Variants in ZNF831 observed in about 807,000 individuals in gnomAD.
The protein encoded by ZNF831 is chromosome 20 open reading frame 174.
Under a neutral mutation model 95.8 loss-of-function variants are expected in ZNF831, and 59 were observed. The observed-to-expected ratio is 0.62, with a 90% CI of 0.50 to 0.77. The LOEUF is 0.77. Among genes scored for constraint, ZNF831 ranks in the 30% least tolerant of loss-of-function variants. The pLI, the probability that ZNF831 is intolerant of heterozygous loss-of-function variation, is 0.00. For synonymous variants in ZNF831, 961 were observed against 925.5 expected (o/e 1.04, Z -0.70); for missense variants, 2,205 against 2,164.0 (o/e 1.02, Z -0.38).
intron 1 of ZNF831, among the ~76,000 whole-genome samples, chr20:59,129,572 G>A (rs753508794): frequency 3.3e-5 from 5 of 152,160 alleles, no homozygotes; most frequent in Non-Finnish European, 7.3e-5. Context: ...GCAGTGAGCC[G>A]AGATCACGCC....
chr20:59,246,025 T>C (rs1238529887), intron 4 of ZNF831, among the ~76,000 whole-genome samples: 1 of 152,204 alleles, frequency 6.6e-6, no homozygotes, highest in East Asian at 1.9e-4. Flanking sequence ...ATTGGCTTTG[T>C]TCACTTTGGT....
intron 4 of ZNF831, among the ~76,000 whole-genome samples, chr20:59,214,753 G>A (rs1053151426): frequency 2.0e-5 from 3 of 152,224 alleles, no homozygotes; most frequent in African/African-American, 4.8e-5. Flanking sequence ...AAGATTCTCT[G>A]TTGTGGTTAC....
intron 1 of ZNF831, among the ~76,000 whole-genome samples, chr20:59,171,330 T>A (rs1034669735): frequency 6.6e-6 from 1 of 152,262 alleles, no homozygotes; most frequent in African/African-American, 2.4e-5. Flanking sequence ...GCATCCCTTA[T>A]CATACAGCAT....
chr20:59,213,390 AC>A (rs981864867), intron 4 of ZNF831, among the ~76,000 whole-genome samples: 30 of 152,090 alleles, frequency 2.0e-4, no homozygotes, highest in African/African-American at 6.8e-4. Flanking sequence ...AATACTATTC[AC>A]TGTGAAATTG....
chr20:59,254,713 C>A lies in ZNF831; in HGVS notation c.5004C>A (p.Asp1668Glu), dbSNP rs368340628. Residue 1668 changes from aspartate to glutamate, a missense_variant, in exon 6 of 6, where the codon GAC becomes GAA. Coordinates refer to ENST00000371030, the MANE Select transcript of ZNF831 (RefSeq NM_178457.3). The surrounding 1 kb of genome is among the most constrained non-coding windows in gnomAD (Gnocchi z 4.5). ...TAGAGTTCAGTGACACCAGCAGCGACGATGAAGACCGATTAGTTATAGAAA... is the reference window on the plus strand; with the variant it reads ...TAGAGTTCAGTGACACCAGCAGCGAAGATGAAGACCGATTAGTTATAGAAA... Reference protein sequence around the residue: ...TRVEFSDTSSDDEDRLVIEI With the variant: ...TRVEFSDTSSEDEDRLVIEI 6.2e-7 allele frequency: 1 copy of A among 1,611,864 alleles called. No homozygotes were observed. Among genetic ancestry groups the A allele is most frequent in the South Asian group, 1.1e-5 (1 of 90,906 alleles).
intron 1 of ZNF831, among the ~76,000 whole-genome samples, chr20:59,126,019 C>T (rs1483860410): frequency 6.6e-6 from 1 of 152,092 alleles, no homozygotes; most frequent in Non-Finnish European, 1.5e-5. Flanking sequence ...GGAAATCAAT[C>T]CATCAACAAA....
At chr20:59,229,600 C>T (rs548043636) in intron 4 of ZNF831, among the ~76,000 whole-genome samples, 2 of 152,186 alleles carry the variant, frequency 1.3e-5, no homozygotes, top group Non-Finnish European at 2.9e-5. Context: ...TTGCTAGAAA[C>T]TTTTAATAAA....
At chr20:59,205,047 T>G (rs1274041300) in intron 3 of ZNF831, among the ~76,000 whole-genome samples, 1 of 152,098 alleles carries the variant, frequency 6.6e-6, no homozygotes, top group Admixed American at 6.5e-5. Flanking sequence ...TTCCTAGCTC[T>G]CTCCTTGTTA....
rs776861312 is a variant in ZNF831, at chr20:59,193,786, C to A, written c.2767C>A (p.Pro923Thr). 5 of 1,608,002 alleles carry A rather than the reference C, an allele frequency of 3.1e-6. No homozygotes were observed. The highest frequency in any genetic ancestry group is 4.2e-6 in the Non-Finnish European group (5 of 1,176,882). The change falls in exon 2 of 6, where the codon CCT becomes ACT. Residue 923 changes from proline to threonine, a missense_variant. Physicochemically the swap from Pro to Thr is conservative, Grantham distance 38 (BLOSUM62 -1). Coordinates refer to ENST00000371030, the MANE Select transcript of ZNF831 (RefSeq NM_178457.3). ...PAEHPSLATPPQAPRVLSALA... is the reference protein window; with the variant it reads ...PAEHPSLATPTQAPRVLSALA... ...AGAGCACCCCTCGCTGGCCACCCCA[C>A]CTCAGGCTCCTAGAGTGCTCTCTGC...
In ZNF831 at chr20:59,192,652, C is replaced by A. The variant is rs769406652; in HGVS notation, c.1633C>A (p.Arg545Ser). ...GCCCGGCCCAGCCCGCCTGGGCTGC[C>A]GCTCGGGACTAAGCTCGACTGACGT... is the stretch of plus-strand genomic sequence containing the variant. ...PRPGPARLGC[R>S]SGLSSTDVPS... Residue 545 changes from arginine to serine, a missense_variant, in exon 2 of 6, where the codon CGC becomes AGC. Transcript: ENST00000371030. The surrounding 1 kb of genome is among the most constrained non-coding windows in gnomAD (Gnocchi z 5.2). 1 of 1,508,538 alleles carries A rather than the reference C, an allele frequency of 6.6e-7. No individual in the cohort carries two copies. The highest frequency in any genetic ancestry group is 8.8e-7 in the Non-Finnish European group (1 of 1,130,382). 93.4% of individuals were successfully genotyped at this position (1,508,538 alleles called of 1,614,324 possible).
intron 2 of ZNF831, chr20:59,146,677 A>G (rs1429901506): frequency 2.6e-5 from 4 of 151,960 alleles, no homozygotes; most frequent in East Asian, 1.9e-4. Flanking sequence ...TTGATTTCCA[A>G]CCGGGGCTGC....
intron 1 of ZNF831, among the ~76,000 whole-genome samples, chr20:59,187,385 G>C (rs1415848285): frequency 3.9e-5 from 6 of 152,088 alleles, no homozygotes; most frequent in Non-Finnish European, 8.8e-5. Flanking sequence ...GTGATGTGAG[G>C]GGGCAGCAAG....
intron 4 of ZNF831, among the ~76,000 whole-genome samples, chr20:59,218,081 G>A (rs140010080): frequency 1.3e-5 from 2 of 152,236 alleles, no homozygotes; most frequent in Non-Finnish European, 2.9e-5. Flanking sequence ...GGCCTCCCAG[G>A]AGCCTGAGAG....
intron 4 of ZNF831, among the ~76,000 whole-genome samples, chr20:59,227,836 A>T (rs1369708924): frequency 6.6e-6 from 1 of 152,156 alleles, no homozygotes; most frequent in African/African-American, 2.4e-5. Flanking sequence ...CAAGCGCCAT[A>T]ATGATAGTCA....
rs186153276 is a variant in ZNF831, at chr20:59,220,679, A to G, written c.4027+13623A>G. ...CTCAACATCTAGCTAGAATTTGAGA[A>G]CACAATTCTGTTTTTATTGTTTTTT... On this transcript the variant is annotated intron_variant, in intron 4 of 5. Transcript: ENST00000371030. 1.8e-4 allele frequency among the ~76,000 whole-genome samples: 27 copies of G among 152,250 alleles called. No individual in the cohort carries two copies. The South Asian group carries it at 1.9e-3, about 11-fold the overall frequency.
intron 2 of ZNF831, among the ~76,000 whole-genome samples, chr20:59,148,349 G>A (rs1416139170): frequency 6.6e-6 from 1 of 152,112 alleles, no homozygotes; most frequent in East Asian, 1.9e-4. Context: ...TCCTTGGGAA[G>A]CATCACCACT....
At chr20:59,151,218 A>G (rs1056160728) in intron 2 of ZNF831, among the ~76,000 whole-genome samples, 13 of 152,292 alleles carry the variant, frequency 8.5e-5, no homozygotes, top group East Asian at 3.9e-4. Context: ...TGATGTGTGC[A>G]TGACCTGCCA....
intron 2 of ZNF831, among the ~76,000 whole-genome samples, chr20:59,147,819 C>T (rs1178844851): frequency 6.6e-6 from 1 of 152,210 alleles, no homozygotes; most frequent in Non-Finnish European, 1.5e-5. Flanking sequence ...TCCAAAAAAC[C>T]TGTTCATATT....
Position 59,255,552 on chromosome 20 carries a change from T to A in ZNF831, c.*809T>A, listed in dbSNP as rs930649809. The A allele has an allele frequency of 6.6e-6, 1 of 152,200 alleles. No individual in the cohort carries two copies. Among genetic ancestry groups the A allele is most frequent in the East Asian group, 1.9e-4 (1 of 5,192 alleles). The allele number at this position is 152,200 out of a possible 1,614,324, so 9.4% of individuals were successfully genotyped here. On this transcript the variant is annotated 3_prime_UTR_variant, in exon 6 of 6. Transcript: ENST00000371030. ...TTAAAAGTTAATAGAACTGTCTCTC[T>A]GTAATGAGTCATTTTTTGAGAGGGA...
Sources: gnomAD v4.1 joint callset for allele counts (sites outside exome capture counted in the v4.1 genomes callset) on GRCh38, gnomAD v4.1.1 for gene constraint, Gnocchi (gnomAD v3.1) non-coding constraint, MANE v1.5 for transcripts, NCBI Gene and HGNC (gene_info 2026-07-23, HGNC 2026-07-21) for gene names.